The following BBS9 variants were observed in gnomAD, a reference collection of about 807,000 sequenced individuals.
BBS9 encodes the protein Bardet-Biedl syndrome 9.
Under a neutral mutation model 117.7 loss-of-function variants are expected in BBS9, and 89 were observed. The observed-to-expected ratio is 0.76, with a 90% confidence interval of 0.64 to 0.90. The LOEUF is 0.90. Among genes scored for constraint, BBS9 ranks in the 40% least tolerant of loss-of-function variants. The probability of loss-of-function intolerance (pLI) is 0.00; values close to 1 mark genes in which losing one functional copy is unlikely to be tolerated. For synonymous variants in BBS9, 379 were observed against 370.9 expected, an observed-to-expected ratio of 1.02 and a Z score of -0.25; for missense variants, 982 against 1,042.2, an observed-to-expected ratio of 0.94 and a Z score of 0.80.
intron 20 of BBS9, among the ~76,000 whole-genome samples, chr7:33,517,148 TA>T (rs1847921026): frequency 6.6e-6 from 1 of 152,214 alleles, no homozygotes; most frequent in South Asian, 2.1e-4. Flanking sequence ...GGAGAAGAGT[TA>T]AACACACACC....
rs190447221 is a variant in BBS9, at chr7:33,506,518, G to A, written c.2298+873G>A. 2.6e-5 allele frequency among the ~76,000 whole-genome samples: 4 copies of A among 152,176 alleles called. No homozygotes were observed. In the East Asian group the frequency reaches 7.7e-4, roughly 29 times the overall value. ...TAAGAATTATTTACTCTTAAACATG[G>A]GCCAGTGAGGTAGTTAAAGTACTGT... On this transcript the variant is annotated intron_variant, in intron 20 of 22. Transcript: ENST00000242067.
chr7:33,518,167 CAAAT>C (rs1848076761), intron 20 of BBS9, among the ~76,000 whole-genome samples: 1 of 150,736 alleles, frequency 6.6e-6, no homozygotes, highest in Non-Finnish European at 1.5e-5. Context: ...AGAGCTAAAA[CAAAT>C]AATTACTAAA....
intron 19 of BBS9, among the ~76,000 whole-genome samples, chr7:33,414,934 A>G (rs1030311118): frequency 2.6e-5 from 4 of 152,156 alleles, no homozygotes; most frequent in South Asian, 2.1e-4. Flanking sequence ...AGTGGTTTTC[A>G]CATTTTTTTA....
intron 5 of BBS9, among the ~76,000 whole-genome samples, chr7:33,187,786 T>C (rs931812454): frequency 1.3e-5 from 2 of 151,728 alleles, no homozygotes; most frequent in Admixed American, 6.6e-5. Context: ...CTGGGCACGG[T>C]GGTGGGTGCC....
intron 9 of BBS9, among the ~76,000 whole-genome samples, chr7:33,294,050 T>C (rs1022736995): frequency 5.3e-5 from 8 of 152,112 alleles, no homozygotes; most frequent in African/African-American, 1.7e-4. Context: ...AACCTCTAAA[T>C]TGAAGGCACA....
rs1157843374 is a variant in BBS9, at chr7:33,542,788, TGTACACACAC to T, written c.2521+8613_2521+8622del. Among the ~76,000 whole-genome samples, 3 of 107,422 alleles carry T rather than the reference TGTACACACAC, an allele frequency of 2.8e-5. 1 individual carries two copies. The highest frequency in any genetic ancestry group is 5.8e-5 in the Non-Finnish European group (3 of 51,918). 70.5% of individuals were successfully genotyped at this position (107,422 alleles called of 152,430 possible). ...GTATATGTGAGTATATATATATATATGTACACACACACACACACACACACACACACACACA... is the reference window on the plus strand; with the variant it reads ...GTATATGTGAGTATATATATATATATACACACACACACACACACACACACA... On this transcript the variant is annotated intron_variant, in intron 21 of 22. Transcript: ENST00000242067.
Position 33,342,789 on chromosome 7 carries a change from G to A in BBS9, c.1276-1792G>A, listed in dbSNP as rs1816810577. Among the ~76,000 whole-genome samples the A allele has an allele frequency of 2.0e-5, 3 of 152,058 alleles. 1 individual carries two copies. The South Asian group carries it at 6.2e-4, about 32-fold the overall frequency. The stretch of plus-strand genomic sequence containing the variant: ...TGTCCTTGAAGTATCTAGGTGTTTA[G>A]TCATGGATTGATATGAGCAGGAAAC... On this transcript the variant is annotated intron_variant, in intron 11 of 22. Transcript: ENST00000242067.
At chr7:33,289,858 A>G (rs1382324662) in intron 9 of BBS9, among the ~76,000 whole-genome samples, 3 of 152,150 alleles carry the variant, frequency 2.0e-5, no homozygotes, top group Non-Finnish European at 4.4e-5. Flanking sequence ...CCTGGCCAAC[A>G]TGATGAAACC....
intron 9 of BBS9, among the ~76,000 whole-genome samples, chr7:33,276,114 T>C (rs1230636458): frequency 6.8e-6 from 1 of 147,770 alleles, no homozygotes; most frequent in East Asian, 1.9e-4. Flanking sequence ...TTCTTACATA[T>C]AATTTAACAC....
intron 21 of BBS9, among the ~76,000 whole-genome samples, chr7:33,584,366 A>T (rs926205858): frequency 3.3e-5 from 5 of 152,036 alleles, no homozygotes; most frequent in Admixed American, 6.6e-5. Flanking sequence ...AACAATGTCA[A>T]GTAGTAGTTG....
intron 20 of BBS9, among the ~76,000 whole-genome samples, chr7:33,512,673 A>T (rs972333280): frequency 5.9e-5 from 9 of 152,182 alleles, no homozygotes; most frequent in African/African-American, 1.9e-4. Flanking sequence ...CAAAGAGATG[A>T]TTTTGACCTT....
chr7:33,151,247 G>A (rs1793258687), intron 2 of BBS9, among the ~76,000 whole-genome samples: 2 of 151,396 alleles, frequency 1.3e-5, no homozygotes, highest in East Asian at 3.9e-4. Context: ...GTGAGACCCT[G>A]TCTCAAAGGA....
intron 7 of BBS9, among the ~76,000 whole-genome samples, chr7:33,268,512 T>G (rs970056134): frequency 3.3e-5 from 5 of 152,242 alleles, no homozygotes; most frequent in Admixed American, 6.5e-5. Context: ...AAGGGATTGC[T>G]GTGCTTTGTT....
At chr7:33,302,676 G>A (rs2128427542) in intron 9 of BBS9, among the ~76,000 whole-genome samples, 1 of 152,054 alleles carries the variant, frequency 6.6e-6, no homozygotes, top group Non-Finnish European at 1.5e-5. Context: ...TATTAGTTAT[G>A]GTACCTCTGT....
chr7:33,621,477 A>T (rs1378617573), intron 21 of BBS9, among the ~76,000 whole-genome samples: 1 of 152,142 alleles, frequency 6.6e-6, no homozygotes, highest in Non-Finnish European at 1.5e-5. Flanking sequence ...AATAAATTAA[A>T]CCACAATGAG....
At chr7:33,269,517 T>C (rs1356181927) in intron 7 of BBS9, among the ~76,000 whole-genome samples, 14 of 152,112 alleles carry the variant, frequency 9.2e-5, no homozygotes, top group Admixed American at 9.2e-4. Flanking sequence ...CTGCTGCCTC[T>C]AAGCTGGGGA....
chr7:33,193,619 C>T (rs567228451), intron 5 of BBS9, among the ~76,000 whole-genome samples: 26 of 152,040 alleles, frequency 1.7e-4, no homozygotes, highest in Middle Eastern at 3.4e-3. Flanking sequence ...ACTGTTTTGA[C>T]GGTTGGATAT....
At chr7:33,617,914 CAT>C (rs1223747607) in intron 21 of BBS9, among the ~76,000 whole-genome samples, 1 of 152,136 alleles carries the variant, frequency 6.6e-6, no homozygotes, top group Non-Finnish European at 1.5e-5. Flanking sequence ...AGCCAACTAA[CAT>C]ATGCATTATG....
chr7:33,527,433 T>C (rs921224535), intron 20 of BBS9, among the ~76,000 whole-genome samples: 4 of 152,236 alleles, frequency 2.6e-5, no homozygotes, highest in Admixed American at 2.0e-4. Context: ...GAGCCAGGTG[T>C]GGGATATAGT....
Sources: allele counts gnomAD v4.1 joint callset (sites outside exome capture counted in the v4.1 genomes callset), GRCh38; gene constraint gnomAD v4.1.1; transcripts MANE v1.5; gene names NCBI Gene and HGNC (gene_info 2026-07-23, HGNC 2026-07-21).